UTP18: variants seen among roughly 807,000 people sequenced by gnomAD.
UTP18 encodes UTP18 small subunit processome component, also known as U3 small nucleolar RNA-associated protein 18 homolog.
A neutral mutation model predicts 61.1 loss-of-function variants in UTP18; 36 were observed. That is an observed-to-expected ratio of 0.59 (90% CI 0.45 to 0.78). The LOEUF is 0.78. Ranked by LOEUF, UTP18 falls within the 30% of genes least tolerant of loss-of-function variation. UTP18 has a pLI of 0.00. For synonymous variants in UTP18, 282 were observed against 251.1 expected, an observed-to-expected ratio of 1.12 and a Z score of -1.16; for missense variants, 753 against 693.9, an observed-to-expected ratio of 1.09 and a Z score of -0.96.
intron 9 of UTP18, among the ~76,000 whole-genome samples, chr17:51,282,765 G>A (rs1904980598): frequency 6.6e-6 from 1 of 152,008 alleles, no homozygotes; most frequent in South Asian, 2.1e-4. Flanking sequence ...CAGGGAAGGA[G>A]AAATCAAAAG....
chr17:51,265,174 A>G (rs1411261796), intron 2 of UTP18, among the ~76,000 whole-genome samples: 1 of 151,626 alleles, frequency 6.6e-6, no homozygotes. Context: ...CTTTTCCTTC[A>G]TTATTTTTAC....
At chr17:51,286,410 A>G in intron 10 of UTP18, 4 of 448,736 alleles carry the variant, frequency 8.9e-6, no homozygotes, top group Non-Finnish European at 1.3e-5. Context: ...CCTCCCTGGG[A>G]TGGGAAGTCA....
chr17:51,261,907 A>G (rs74678447), intron 1 of UTP18, among the ~76,000 whole-genome samples: 8,139 of 152,166 alleles, frequency 0.053, 300 homozygotes, highest in Non-Finnish European at 0.078. Flanking sequence ...CTATTACTGG[A>G]AACATGCTGA....
chr17:51,266,528 C>T (rs988744101), intron 3 of UTP18, among the ~76,000 whole-genome samples: 1 of 152,152 alleles, frequency 6.6e-6, no homozygotes, highest in Non-Finnish European at 1.5e-5. Context: ...TGTTCATTTG[C>T]ATATGGTACA....
chr17:51,295,741 T>G (rs985426769), intron 12 of UTP18, among the ~76,000 whole-genome samples: 1 of 152,168 alleles, frequency 6.6e-6, no homozygotes, highest in African/African-American at 2.4e-5. Context: ...GTGAAGAAAG[T>G]CATTGGTAGC....
At chr17:51,262,662 C>G (rs577356289) in intron 1 of UTP18, among the ~76,000 whole-genome samples, 2 of 152,252 alleles carry the variant, frequency 1.3e-5, no homozygotes, top group Admixed American at 1.3e-4. Flanking sequence ...ATCCTCCTGC[C>G]TCTGCCTCCC....
intron 9 of UTP18, 42 bp downstream of exon 9, chr17:51,280,521 T>A (rs759518123): frequency 1.4e-5 from 23 of 1,604,934 alleles, no homozygotes; most frequent in Non-Finnish European, 2.0e-5. Flanking sequence ...ATTTTTACAT[T>A]TTAAATTTTA....
intron 5 of UTP18, among the ~76,000 whole-genome samples, chr17:51,275,620 T>G (rs1186899397): frequency 6.6e-6 from 1 of 152,234 alleles, no homozygotes; most frequent in African/African-American, 2.4e-5. Flanking sequence ...GGAAAGCACT[T>G]TAATGATTTA....
intron 10 of UTP18, chr17:51,286,362 C>G (rs1597852276): frequency 7.5e-6 from 3 of 399,968 alleles, no homozygotes; most frequent in South Asian, 1.8e-5. Flanking sequence ...TTTTCTTAGA[C>G]CAAACACAAT....
Position 51,266,272 on chromosome 17 carries a change from TAAA to T in UTP18, c.547_549del (p.Lys183del), listed in dbSNP as rs753156797. 2.3e-5 allele frequency: 37 copies of T among 1,591,264 alleles called. No individual in the cohort carries two copies. Among genetic ancestry groups the T allele is most frequent in the Non-Finnish European group, 3.1e-5 (36 of 1,171,972 alleles). ...CGAAAGACAACCTTAAAAAGAGACT[TAAA>T]GAAGAGTAAGTGTCTTTTTTCATAT... On this transcript the variant is annotated inframe_deletion, in exon 3 of 14. Coordinates refer to ENST00000225298, the MANE Select transcript of UTP18 (RefSeq NM_016001.3).
intron 2 of UTP18, among the ~76,000 whole-genome samples, chr17:51,264,757 A>G (rs1039581476): frequency 2.7e-5 from 4 of 148,604 alleles, no homozygotes; most frequent in African/African-American, 1.0e-4. Flanking sequence ...ATCTTGGCTC[A>G]CTGCAACCTC....
At chr17:51,291,555 T>C (rs1335674709) in intron 11 of UTP18, among the ~76,000 whole-genome samples, 1 of 151,934 alleles carries the variant, frequency 6.6e-6, no homozygotes, top group Non-Finnish European at 1.5e-5. Context: ...GCCAACATGG[T>C]GAAACCCCAT....
chr17:51,278,640 G>A (rs1453855444), intron 7 of UTP18, among the ~76,000 whole-genome samples: 1 of 152,188 alleles, frequency 6.6e-6, no homozygotes, highest in Non-Finnish European at 1.5e-5. Context: ...ATACTGTGCT[G>A]TTAGGATTAG....
chr17:51,286,690 C>T (rs943405770), intron 10 of UTP18: 10 of 387,252 alleles, frequency 2.6e-5, no homozygotes, highest in East Asian at 1.5e-4. Context: ...AACCCTGTAG[C>T]GAGGGACATC....
At position 51,260,625 on chromosome 17, in the gene UTP18, G is replaced by C. The variant is rs770614722; in HGVS notation, c.41G>C (p.Arg14Thr). ...AGGAGACGAATGAAACTGGACCGGAGAACCGGAGCGAAGCCGAAGCGGAAG... is the reference window on the plus strand; with the variant it reads ...AGGAGACGAATGAAACTGGACCGGACAACCGGAGCGAAGCCGAAGCGGAAG... ...ERRRRMKLDR[R>T]TGAKPKRKPG... is the part of the protein sequence containing the mutation. The change falls in exon 1 of 14, where the codon AGA becomes ACA. Residue 14 changes from arginine (R) to threonine (T), a missense_variant. By Grantham distance (71) the Arg-to-Thr change is moderately conservative. Coordinates refer to ENST00000225298, the MANE Select transcript of UTP18 (RefSeq NM_016001.3). 2 of 1,612,580 alleles carry C rather than the reference G, an allele frequency of 1.2e-6. No homozygotes were observed. The highest frequency in any genetic ancestry group is 1.7e-6 in the Non-Finnish European group (2 of 1,179,744).
intron 7 of UTP18, among the ~76,000 whole-genome samples, chr17:51,279,497 T>C (rs993882423): frequency 1.4e-5 from 2 of 147,556 alleles, no homozygotes; most frequent in Non-Finnish European, 3.0e-5. Flanking sequence ...GGGGTTTTTT[T>C]TGTTTTTTGT....
chr17:51,287,697 A>G (rs1196553543), intron 10 of UTP18, among the ~76,000 whole-genome samples: 3 of 152,208 alleles, frequency 2.0e-5, no homozygotes, highest in Non-Finnish European at 4.4e-5. Context: ...GGAGTAAATG[A>G]GATGAATGAG....
chr17:51,290,804 T>A (rs1253096811), intron 11 of UTP18, among the ~76,000 whole-genome samples: 1 of 152,218 alleles, frequency 6.6e-6, no homozygotes, highest in Admixed American at 6.5e-5. Context: ...AACCATAATA[T>A]CTAATGGAAA....
At chr17:51,282,560 T>C (rs1464396050) in intron 9 of UTP18, among the ~76,000 whole-genome samples, 1 of 151,984 alleles carries the variant, frequency 6.6e-6, no homozygotes, top group African/African-American at 2.4e-5. Flanking sequence ...CAGAGTAATA[T>C]TCCTGATGAA....
Sources: allele counts gnomAD v4.1 joint callset (sites outside exome capture counted in the v4.1 genomes callset), GRCh38; gene constraint gnomAD v4.1.1; transcripts MANE v1.5; gene names NCBI Gene and HGNC (gene_info 2026-07-23, HGNC 2026-07-21).